The following PRKD1 variants were observed in gnomAD, a reference collection of about 807,000 sequenced individuals.
PRKD1 encodes protein kinase D1.
Under a neutral mutation model 95.9 loss-of-function variants are expected in PRKD1, and 63 were observed. That is an observed-to-expected ratio of 0.66 (90% CI 0.54 to 0.81). The LOEUF (loss-of-function observed/expected upper bound fraction) is 0.81, where lower values mean the gene tolerates loss of function less well. Among genes scored for constraint, PRKD1 ranks in the 30% least tolerant of loss-of-function variants. The pLI, the probability that PRKD1 is intolerant of heterozygous loss-of-function variation, is 0.00. For missense variants in PRKD1, 1,048 were observed against 1,165.3 expected (o/e 0.90, Z 1.47); for synonymous variants, 425 against 423.1 (o/e 1.00, Z -0.05).
chr14:29,594,061 G>T lies in PRKD1; in HGVS notation c.2434+3430C>A, dbSNP rs79773070. On this transcript the variant is annotated intron_variant, in intron 16 of 17. Coordinates refer to ENST00000331968, the MANE Select transcript of PRKD1 (RefSeq NM_002742.3). The stretch of plus-strand genomic sequence containing the variant: ...GAAACCTCTCTGGGTTCTCTCTAAT[G>T]CAGAGACGAAAGCAAATCACTTACC... 3.2e-3 allele frequency: 1,417 copies of T among 440,096 alleles called. 16 individuals carry two copies. Among genetic ancestry groups the T allele is most frequent in the African/African-American group, 0.025 (1,247 of 49,162 alleles). The allele number at this position is 440,096 out of a possible 1,614,324, so 27.3% of individuals were successfully genotyped here. A position where few individuals can be genotyped will look rare whatever the true frequency, so the allele number is the denominator to read the frequency against.
intron 1 of PRKD1, among the ~76,000 whole-genome samples, chr14:29,757,497 AC>A: frequency 6.6e-6 from 1 of 152,256 alleles, no homozygotes; most frequent in Middle Eastern, 3.4e-3. Context: ...CAGGAGACTG[AC>A]TGACGGTTCA....
chr14:29,916,272 G>A (rs151205343), intron 1 of PRKD1, among the ~76,000 whole-genome samples: 4 of 152,266 alleles, frequency 2.6e-5, no homozygotes, highest in East Asian at 1.9e-4. Flanking sequence ...GGACTACTCC[G>A]CTTGTAAAAA....
chr14:29,702,824 A>G (rs1417568187), intron 2 of PRKD1, among the ~76,000 whole-genome samples: 1 of 152,176 alleles, frequency 6.6e-6, no homozygotes, highest in Admixed American at 6.5e-5. Flanking sequence ...AGACCATTTT[A>G]GCAATATCCT....
In PRKD1 at chr14:29,757,378, C is replaced by T. The variant is rs45599441; in HGVS notation, c.265-31704G>A. On this transcript the variant is annotated intron_variant, in intron 1 of 17. Coordinates refer to ENST00000331968, the MANE Select transcript of PRKD1 (RefSeq NM_002742.3). ...CCAGGGAAGCACAGATGCAAGGTACCTAGCCCCACCTGAAGGTTACATGGA... is the reference window on the plus strand; with the variant it reads ...CCAGGGAAGCACAGATGCAAGGTACTTAGCCCCACCTGAAGGTTACATGGA... Among the ~76,000 whole-genome samples the T allele has an allele frequency of 2.6e-5, 4 of 152,290 alleles. No individual in the cohort carries two copies. The East Asian group carries it at 7.7e-4, about 29-fold the overall frequency.
intron 1 of PRKD1, among the ~76,000 whole-genome samples, chr14:29,843,100 A>C (rs2139321021): frequency 6.6e-6 from 1 of 152,322 alleles, no homozygotes; most frequent in Admixed American, 6.5e-5. Flanking sequence ...ATGTGACTGT[A>C]TTTGGAGGCA....
chr14:29,813,090 A>G (rs1465437653), intron 1 of PRKD1, among the ~76,000 whole-genome samples: 1 of 152,176 alleles, frequency 6.6e-6, no homozygotes, highest in Non-Finnish European at 1.5e-5. Context: ...ATCCTGGGCA[A>G]CAGGAGCGAA....
At position 29,829,790 on chromosome 14, in the gene PRKD1, AT is replaced by A. The variant is rs201301117; in HGVS notation, c.264+97458del. Among the ~76,000 whole-genome samples, 11 of 152,202 alleles carry A rather than the reference AT, an allele frequency of 7.2e-5. No homozygotes were observed. The East Asian group carries it at 2.1e-3, about 29-fold the overall frequency. On this transcript the variant is annotated intron_variant, in intron 1 of 17. Coordinates refer to ENST00000331968, the MANE Select transcript of PRKD1 (RefSeq NM_002742.3). The stretch of plus-strand genomic sequence containing the variant: ...AGTCACAATGTCCTACTTTTTTTTC[AT>A]TTCACTAAGTTCATATTTACTGCTA...
At chr14:29,630,575 G>C (rs1452428909) in intron 10 of PRKD1, 167 bp downstream of exon 10, 13 of 738,166 alleles carry the variant, frequency 1.8e-5, no homozygotes, top group Non-Finnish European at 1.7e-5. Flanking sequence ...AAACATCTTA[G>C]TATGTGCAGC....
intron 16 of PRKD1, among the ~76,000 whole-genome samples, chr14:29,582,616 C>T (rs17091468): frequency 0.02 from 3,005 of 152,134 alleles, 106 homozygotes; most frequent in African/African-American, 0.069. Flanking sequence ...CCAGCAGAGA[C>T]TGCCATGTGT....
At chr14:29,772,905 C>G (rs1888574435) in intron 1 of PRKD1, among the ~76,000 whole-genome samples, 1 of 152,148 alleles carries the variant, frequency 6.6e-6, no homozygotes, top group Non-Finnish European at 1.5e-5. Flanking sequence ...AATTTTATTC[C>G]ACAGAAATCT....
At position 29,748,054 on chromosome 14, in the gene PRKD1, C is replaced by T. The variant is rs1056636535; in HGVS notation, c.265-22380G>A. The stretch of plus-strand genomic sequence containing the variant: ...CCACCACGCCCGGCCAAAAACTTTA[C>T]GATTTTTCTTAAATAAATATCCAAA... On this transcript the variant is annotated intron_variant, in intron 1 of 17. Coordinates refer to ENST00000331968, the MANE Select transcript of PRKD1 (RefSeq NM_002742.3). Among the ~76,000 whole-genome samples, 41 of 152,214 alleles carry T rather than the reference C, an allele frequency of 2.7e-4. 1 individual carries two copies. The highest frequency in any genetic ancestry group is 9.2e-4 in the Admixed American group (14 of 15,270).
rs1287386953 is a variant in PRKD1 at position 29,598,949 on chromosome 14, T to C, written c.2166+78A>G. The stretch of plus-strand genomic sequence containing the variant: ...ACAAATAAAGGTTTTAAGGGAAAAA[T>C]GGAAGGTGACAAGATGCTACATGGA... On this transcript the variant is annotated intron_variant, in intron 15 of 17. Transcript: ENST00000331968. 1.5e-5 allele frequency: 18 copies of C among 1,178,382 alleles called. No individual in the cohort carries two copies. The Admixed American group carries it at 1.8e-4, about 12-fold the overall frequency. The allele number at this position is 1,178,382 out of a possible 1,614,324, so 73.0% of individuals were successfully genotyped here.
At chr14:29,871,030 T>C (rs1893087149) in intron 1 of PRKD1, among the ~76,000 whole-genome samples, 3 of 152,204 alleles carry the variant, frequency 2.0e-5, no homozygotes. Flanking sequence ...TTCATACTAA[T>C]GCACCTTTTC....
At chr14:29,898,027 C>G (rs752803784) in intron 1 of PRKD1, among the ~76,000 whole-genome samples, 13 of 151,948 alleles carry the variant, frequency 8.6e-5, no homozygotes, top group Non-Finnish European at 1.9e-4. Context: ...AACAACGCAT[C>G]CTAAAAATTA....
At chr14:29,662,301 T>C (rs991729134) in intron 4 of PRKD1, among the ~76,000 whole-genome samples, 2 of 152,136 alleles carry the variant, frequency 1.3e-5, no homozygotes, top group Non-Finnish European at 2.9e-5. Context: ...AAATCACTAA[T>C]TGCAAAAATT....
intron 1 of PRKD1, among the ~76,000 whole-genome samples, chr14:29,841,691 A>T (rs1193650187): frequency 6.6e-6 from 1 of 152,154 alleles, no homozygotes; most frequent in Non-Finnish European, 1.5e-5. Context: ...GTATGTCTTT[A>T]TCAGCAGCAT....
rs532085523 is a variant in PRKD1 at position 29,649,887 on chromosome 14, C to T, written c.697-10983G>A. ...TTCCTTTCTTTTTAGACCAATTAGA[C>T]CTGGTTGGCCTTACGCTTTGCTTAG... is the stretch of plus-strand genomic sequence containing the variant. On this transcript the variant is annotated intron_variant, in intron 4 of 17. Transcript: ENST00000331968. Among the ~76,000 whole-genome samples the T allele has an allele frequency of 2.0e-5, 3 of 152,232 alleles. No homozygotes were observed. The South Asian group carries it at 6.2e-4, about 32-fold the overall frequency.
chr14:29,644,140 T>C (rs1880976439), intron 4 of PRKD1, among the ~76,000 whole-genome samples: 1 of 152,204 alleles, frequency 6.6e-6, no homozygotes, highest in Non-Finnish European at 1.5e-5. Flanking sequence ...ATATTTAATA[T>C]ACAGACTGTA....
At chr14:29,699,745 A>G (rs1203813374) in intron 2 of PRKD1, among the ~76,000 whole-genome samples, 2 of 152,220 alleles carry the variant, frequency 1.3e-5, no homozygotes, top group African/African-American at 4.8e-5. Flanking sequence ...CTAAATAGAT[A>G]TCCAATTGTT....
Sources: gnomAD v4.1 joint callset for allele counts (sites outside exome capture counted in the v4.1 genomes callset) on GRCh38, gnomAD v4.1.1 for gene constraint, MANE v1.5 for transcripts, NCBI Gene and HGNC (gene_info 2026-07-23, HGNC 2026-07-21) for gene names.